Variants in FTO observed in about 807,000 individuals in gnomAD.
FTO encodes FTO alpha-ketoglutarate dependent dioxygenase.
In FTO, 47 loss-of-function variants were observed where a neutral mutation model predicts 63.9. That is an observed-to-expected ratio of 0.74 (90% CI 0.58 to 0.94). The LOEUF is 0.94. FTO is among the 40% of genes least tolerant of loss of function. The probability of loss-of-function intolerance (pLI) is 0.00; values close to 1 mark genes in which losing one functional copy is unlikely to be tolerated. For synonymous variants in FTO, 207 were observed against 224.4 expected (o/e 0.92, Z 0.69); for missense variants, 562 against 618.1 (o/e 0.91, Z 0.96).
intron 8 of FTO, among the ~76,000 whole-genome samples, chr16:54,084,738 T>C (rs888011732): frequency 1.3e-5 from 2 of 152,016 alleles, no homozygotes; most frequent in African/African-American, 4.8e-5. Context: ...TCCCACTGAG[T>C]CCTGTGATGC....
rs140831513 is a variant in FTO, at chr16:53,972,009, C to T, written c.1364+37900C>T. Among the ~76,000 whole-genome samples the T allele has an allele frequency of 3.4e-3, 518 of 152,080 alleles. 5 individuals are homozygous for T. Among genetic ancestry groups the T allele is most frequent in the Non-Finnish European group, 4.3e-3 (290 of 68,000 alleles). On this transcript the variant is annotated intron_variant, in intron 8 of 8. Transcript: ENST00000471389. Reference sequence around the variant, plus strand: ...CCACTCTGCTTGGTGCATGTTTTAACGACAAATGATGTATAATCTGAGTTT... The same window carrying T: ...CCACTCTGCTTGGTGCATGTTTTAATGACAAATGATGTATAATCTGAGTTT...
intron 3 of FTO, among the ~76,000 whole-genome samples, chr16:53,836,756 T>C (rs1214482773): frequency 6.6e-6 from 1 of 152,242 alleles, no homozygotes; most frequent in Non-Finnish European, 1.5e-5. Flanking sequence ...CAGTTTCAAA[T>C]TTCTTCCCCT....
chr16:54,042,153 T>TGACG (rs369282987), intron 8 of FTO, among the ~76,000 whole-genome samples: 47 of 151,350 alleles, frequency 3.1e-4, no homozygotes, highest in African/African-American at 1.1e-3. Flanking sequence ...CCAGCGTGAG[T>TGACG]GACGCAGAAG....
At chr16:54,023,719 C>A (rs1350048759) in intron 8 of FTO, among the ~76,000 whole-genome samples, 1 of 152,202 alleles carries the variant, frequency 6.6e-6, no homozygotes, top group Non-Finnish European at 1.5e-5. Context: ...CTCTTCCTTT[C>A]TTGAAAACAT....
intron 8 of FTO, among the ~76,000 whole-genome samples, chr16:53,946,580 TA>T: frequency 6.6e-6 from 1 of 152,332 alleles, no homozygotes; most frequent in Admixed American, 6.5e-5. Flanking sequence ...TTTTTATTCT[TA>T]TATTTTTTTT....
At chr16:54,001,558 G>A (rs544052687) in intron 8 of FTO, among the ~76,000 whole-genome samples, 2 of 152,284 alleles carry the variant, frequency 1.3e-5, no homozygotes, top group South Asian at 4.1e-4. Context: ...GGGTTACAAA[G>A]TGACAGGTAA....
intron 8 of FTO, among the ~76,000 whole-genome samples, chr16:54,088,347 A>G (rs1231367861): frequency 3.3e-5 from 5 of 152,226 alleles, no homozygotes; most frequent in African/African-American, 1.2e-4. Flanking sequence ...GTAATTTAGT[A>G]TCATTCCTTC....
At chr16:53,970,065 T>C (rs1169487036) in intron 8 of FTO, among the ~76,000 whole-genome samples, 2 of 152,150 alleles carry the variant, frequency 1.3e-5, no homozygotes, top group Non-Finnish European at 2.9e-5. Context: ...GGTTCTTTTG[T>C]TGATAAGAAA....
intron 7 of FTO, among the ~76,000 whole-genome samples, chr16:53,894,943 A>G (rs2081240855): frequency 6.6e-6 from 1 of 152,174 alleles, no homozygotes; most frequent in Non-Finnish European, 1.5e-5. Flanking sequence ...ACTGAGTTTT[A>G]GGACCTTTAC....
intron 8 of FTO, among the ~76,000 whole-genome samples, chr16:54,050,252 G>C (rs996632207): frequency 6.6e-6 from 1 of 152,106 alleles, no homozygotes; most frequent in African/African-American, 2.4e-5. Context: ...CTCTGGTTTC[G>C]GGAGAGATCA....
chr16:53,911,506 G>A (rs371069965), intron 7 of FTO: 5 of 702,908 alleles, frequency 7.1e-6, no homozygotes, highest in Middle Eastern at 2.3e-4. Context: ...AGGACAAGGT[G>A]GGGGAAGATA....
intron 8 of FTO, among the ~76,000 whole-genome samples, chr16:53,955,188 GA>G (rs1271270935): frequency 6.6e-6 from 1 of 152,022 alleles, no homozygotes; most frequent in Non-Finnish European, 1.5e-5. Flanking sequence ...GGATGGTTAA[GA>G]AAAAAACCAA....
At position 53,816,617 on chromosome 16, in the gene FTO, C is replaced by T. The variant is rs150292826; in HGVS notation, c.123+6400C>T. On this transcript the variant is annotated intron_variant, in intron 2 of 8. Coordinates refer to ENST00000471389, the MANE Select transcript of FTO (RefSeq NM_001080432.3). ...TCCCTCAACCTGGAACTCTCTCATC[C>T]CCCCAGGCATCTGCAGATATTGTAT... 3.7e-4 allele frequency among the ~76,000 whole-genome samples: 55 copies of T among 149,746 alleles called. No homozygotes were observed. In the East Asian group the frequency reaches 0.011, roughly 29 times the overall value.
At chr16:53,793,238 AAG>A (rs1264278030) in intron 1 of FTO, among the ~76,000 whole-genome samples, 4 of 152,086 alleles carry the variant, frequency 2.6e-5, no homozygotes, top group African/African-American at 4.8e-5. Context: ...CCCTTCCCCA[AAG>A]TTTTATTTCC....
intron 8 of FTO, among the ~76,000 whole-genome samples, chr16:53,952,479 A>G (rs1005071945): frequency 9.2e-5 from 14 of 152,208 alleles, no homozygotes; most frequent in African/African-American, 3.4e-4. Flanking sequence ...GTACTAGAGC[A>G]GATGACAAGG....
At chr16:54,042,088 C>T (rs1182221787) in intron 8 of FTO, among the ~76,000 whole-genome samples, 1 of 152,132 alleles carries the variant, frequency 6.6e-6, no homozygotes, top group Non-Finnish European at 1.5e-5. Flanking sequence ...AATAAAGAAG[C>T]TAAGATTTGG....
intron 8 of FTO, among the ~76,000 whole-genome samples, chr16:53,988,557 CATATCTACCATTT>C (rs1435074785): frequency 1.3e-5 from 2 of 152,168 alleles, no homozygotes; most frequent in Non-Finnish European, 2.9e-5. Context: ...CATGTCATAA[CATATCTACCATTT>C]ATTGAGCACC....
intron 1 of FTO, among the ~76,000 whole-genome samples, chr16:53,765,708 A>G (rs1034803286): frequency 6.6e-6 from 1 of 152,150 alleles, no homozygotes; most frequent in Admixed American, 6.5e-5. Context: ...ACTCCAAAGG[A>G]TGACAAGGGC....
chr16:53,865,263 T>A (rs2080275737), intron 4 of FTO, among the ~76,000 whole-genome samples: 1 of 152,116 alleles, frequency 6.6e-6, no homozygotes, highest in African/African-American at 2.4e-5. Flanking sequence ...CTCTGAAACC[T>A]CCTTTAGGCA....
Sources: allele counts gnomAD v4.1 joint callset (sites outside exome capture counted in the v4.1 genomes callset), GRCh38; gene constraint gnomAD v4.1.1; transcripts MANE v1.5; gene names NCBI Gene and HGNC (gene_info 2026-07-23, HGNC 2026-07-21).